The following INTS9 variants were observed in gnomAD, a reference collection of about 807,000 sequenced individuals.
INTS9 encodes the protein integrator complex subunit 9, also known as protein related to CPSF subunits of 74 kDa.
INTS9 carries 55 observed loss-of-function variants against 79.7 expected under a neutral mutation model. That is an observed-to-expected ratio of 0.69 (90% confidence interval 0.56 to 0.86). INTS9 has a LOEUF of 0.86. Among genes scored for constraint, INTS9 ranks in the 40% least tolerant of loss-of-function variants. The pLI, the probability that INTS9 is intolerant of heterozygous loss-of-function variation, is 0.00. For missense variants in INTS9, 721 were observed against 831.5 expected, an observed-to-expected ratio of 0.87 and a Z score of 1.64; for synonymous variants, 319 against 325.2, an observed-to-expected ratio of 0.98 and a Z score of 0.20.
At chr8:28,870,313 T>G (rs1480162825) in intron 1 of INTS9, among the ~76,000 whole-genome samples, 2 of 110,494 alleles carry the variant, frequency 1.8e-5, no homozygotes, top group African/African-American at 6.4e-5. Flanking sequence ...CTTTTAAACA[T>G]TAACCATTTT....
At chr8:28,814,549 T>C (rs1428333049) in intron 6 of INTS9, among the ~76,000 whole-genome samples, 1 of 152,048 alleles carries the variant, frequency 6.6e-6, no homozygotes, top group Non-Finnish European at 1.5e-5. Flanking sequence ...AGAGGAACTG[T>C]TGAAAAAAGA....
intron 6 of INTS9, among the ~76,000 whole-genome samples, chr8:28,814,821 T>C (rs902188496): frequency 1.3e-5 from 2 of 152,158 alleles, no homozygotes; most frequent in African/African-American, 4.8e-5. Context: ...GAATCTTCTC[T>C]GAAGAATCCG....
chr8:28,786,964 G>A (rs1415989918), intron 11 of INTS9, among the ~76,000 whole-genome samples: 7 of 151,872 alleles, frequency 4.6e-5, no homozygotes, highest in Non-Finnish European at 8.8e-5. Context: ...TGATCCACCC[G>A]CCTTGGCCTC....
At chr8:28,879,606 T>C (rs149093848) in intron 1 of INTS9, among the ~76,000 whole-genome samples, 18 of 152,018 alleles carry the variant, frequency 1.2e-4, no homozygotes, top group East Asian at 1.2e-3. Flanking sequence ...CATGGAGAAA[T>C]TGGAAATGAA....
At chr8:28,805,416 C>T (rs1360787611) in intron 8 of INTS9, among the ~76,000 whole-genome samples, 3 of 152,224 alleles carry the variant, frequency 2.0e-5, no homozygotes, top group Non-Finnish European at 2.9e-5. Context: ...TCAAGACCCT[C>T]TAGATTCCCA....
At chr8:28,803,295 T>A (rs1804626691) in intron 8 of INTS9, among the ~76,000 whole-genome samples, 2 of 152,206 alleles carry the variant, frequency 1.3e-5, no homozygotes, top group African/African-American at 2.4e-5. Context: ...CAAACCAACA[T>A]AATACAAAAT....
chr8:28,857,194 G>C (rs1193291057), intron 2 of INTS9, among the ~76,000 whole-genome samples: 1 of 152,146 alleles, frequency 6.6e-6, no homozygotes, highest in Non-Finnish European at 1.5e-5. Context: ...AATGCCCTTA[G>C]TGGAGAATAT....
At chr8:28,887,816 T>G (rs1416764143) in intron 1 of INTS9, among the ~76,000 whole-genome samples, 1 of 152,220 alleles carries the variant, frequency 6.6e-6, no homozygotes, top group Non-Finnish European at 1.5e-5. Context: ...TACTTCCTTT[T>G]CCTCTGAGAC....
At chr8:28,797,195 TCA>T (rs1804270830) in intron 8 of INTS9, among the ~76,000 whole-genome samples, 1 of 152,180 alleles carries the variant, frequency 6.6e-6, no homozygotes, top group African/African-American at 2.4e-5. Context: ...GCCTGGGGAA[TCA>T]CACTTTGAGA....
chr8:28,795,652 AAAAAAAAAAAAAAAAG>A (rs1804172636), intron 9 of INTS9, among the ~76,000 whole-genome samples: 1 of 150,364 alleles, frequency 6.7e-6, no homozygotes, highest in African/African-American at 2.4e-5. Context: ...AAAAAAAAAA[AAAAAAAAAAAAAAAAG>A]AAGAGGAAGA....
At chr8:28,782,875 C>T (rs989979007) in intron 11 of INTS9, among the ~76,000 whole-genome samples, 1 of 152,130 alleles carries the variant, frequency 6.6e-6, no homozygotes, top group African/African-American at 2.4e-5. Context: ...AAAAAAAACA[C>T]ATACACACAC....
intron 6 of INTS9, among the ~76,000 whole-genome samples, chr8:28,817,424 T>A (rs1805555036): frequency 6.6e-6 from 1 of 152,056 alleles, no homozygotes; most frequent in Non-Finnish European, 1.5e-5. Context: ...CCTTTCCCCA[T>A]TGCTTGTTTT....
intron 6 of INTS9, among the ~76,000 whole-genome samples, chr8:28,833,170 A>G (rs565811335): frequency 2.0e-4 from 30 of 152,354 alleles, no homozygotes; most frequent in Non-Finnish European, 3.1e-4. Context: ...CTACATATTT[A>G]TATTCTAATC....
chr8:28,877,193 A>C (rs541041875), intron 1 of INTS9, among the ~76,000 whole-genome samples: 1 of 152,156 alleles, frequency 6.6e-6, no homozygotes, highest in African/African-American at 2.4e-5. Flanking sequence ...AACAAATACT[A>C]TAAGATATTA....
At chr8:28,785,701 G>A (rs1353914807) in intron 11 of INTS9, among the ~76,000 whole-genome samples, 6 of 152,146 alleles carry the variant, frequency 3.9e-5, no homozygotes, top group Non-Finnish European at 7.3e-5. Flanking sequence ...TCAGTTAGTG[G>A]CATGTCACTG....
chr8:28,849,343 A>G lies in INTS9; in HGVS notation c.198+870T>C, dbSNP rs551425527. ...CATTTATTAAGTTAACTGTCTAACT[A>G]TTGATCCGAGGAAGGAATTACTGAG... On this transcript the variant is annotated intron_variant, in intron 3 of 16. Transcript: ENST00000521022. Among the ~76,000 whole-genome samples the G allele has an allele frequency of 1.2e-4, 18 of 152,320 alleles. No homozygotes were observed. In the South Asian group the frequency reaches 3.7e-3, roughly 32 times the overall value.
chr8:28,812,761 G>A (rs1360000002), intron 7 of INTS9, among the ~76,000 whole-genome samples: 3 of 152,170 alleles, frequency 2.0e-5, no homozygotes, highest in Non-Finnish European at 4.4e-5. Context: ...TGGGGCAGGA[G>A]GATCACTGGA....
At chr8:28,837,961 C>T (rs753223583) in intron 4 of INTS9, among the ~76,000 whole-genome samples, 185 bp from the exon 5 acceptor site, 11 of 152,102 alleles carry the variant, frequency 7.2e-5, no homozygotes, top group Non-Finnish European at 1.6e-4. Context: ...AGTAGCAGGA[C>T]AGGACGGCCA....
chr8:28,802,769 T>TC (rs1418565259), intron 8 of INTS9, among the ~76,000 whole-genome samples: 2 of 152,018 alleles, frequency 1.3e-5, no homozygotes, highest in Non-Finnish European at 2.9e-5. Flanking sequence ...TTTCCATACT[T>TC]CAAATCTTAG....
Sources: gnomAD v4.1 joint callset for allele counts (sites outside exome capture counted in the v4.1 genomes callset) on GRCh38, gnomAD v4.1.1 for gene constraint, MANE v1.5 for transcripts, NCBI Gene and HGNC (gene_info 2026-07-23, HGNC 2026-07-21) for gene names.